The following ARHGAP26 variants were observed in gnomAD, a reference collection of about 807,000 sequenced individuals.
ARHGAP26 encodes the protein Rho GTPase activating protein 26.
Under a neutral mutation model 104.8 loss-of-function variants are expected in ARHGAP26, and 38 were observed. That is an observed-to-expected ratio of 0.36 (90% CI 0.28 to 0.48). The LOEUF (loss-of-function observed/expected upper bound fraction) is 0.48, where lower values mean the gene tolerates loss of function less well. Ranked by LOEUF, ARHGAP26 falls within the 20% of genes least tolerant of loss-of-function variation. ARHGAP26 has a pLI of 0.99. For synonymous variants in ARHGAP26, 341 were observed against 340.0 expected, an observed-to-expected ratio of 1.00 and a Z score of -0.03; for missense variants, 704 against 947.9, an observed-to-expected ratio of 0.74 and a Z score of 3.38.
rs1022173687 is a variant in ARHGAP26 at position 143,060,337 on chromosome 5, T to A, written c.1538+2590T>A. Among the ~76,000 whole-genome samples, 11 of 152,374 alleles carry A rather than the reference T, an allele frequency of 7.2e-5. No homozygotes were observed. In the South Asian group the frequency reaches 2.3e-3, roughly 32 times the overall value. On this transcript the variant is annotated intron_variant, in intron 17 of 22. Coordinates refer to ENST00000645722, the MANE Select transcript of ARHGAP26 (RefSeq NM_001135608.3). ...CAAGCATTTTGTATTGTATATTTTT[T>A]AAAGTACTCTTTTGAAACATTTTCC...
intron 11 of ARHGAP26, among the ~76,000 whole-genome samples, chr5:142,985,932 G>A (rs1221733630): frequency 3.3e-5 from 5 of 151,968 alleles, no homozygotes; most frequent in Non-Finnish European, 5.9e-5. Flanking sequence ...TTGGTTCCAA[G>A]TCTTTGTTAT....
intron 19 of ARHGAP26, among the ~76,000 whole-genome samples, chr5:143,139,915 A>G (rs1798317974): frequency 1.3e-5 from 2 of 152,340 alleles, no homozygotes; most frequent in East Asian, 1.9e-4. Flanking sequence ...GGAGCCAGCA[A>G]CAAGGTCTTG....
intron 1 of ARHGAP26, among the ~76,000 whole-genome samples, chr5:142,793,724 A>T (rs1760359593): frequency 6.6e-6 from 1 of 151,982 alleles, no homozygotes; most frequent in South Asian, 2.1e-4. Flanking sequence ...AGTAGCTGGG[A>T]TTACAGATGT....
At chr5:142,879,327 A>G (rs756445857) in intron 3 of ARHGAP26, 47 bp from the exon 4 acceptor site, 1 of 1,562,118 alleles carries the variant, frequency 6.4e-7, no homozygotes, top group Non-Finnish European at 8.8e-7. Context: ...TTCTTTACTG[A>G]TACTGCTTTT....
At chr5:143,159,562 A>G (rs974231964) in intron 20 of ARHGAP26, among the ~76,000 whole-genome samples, 22 of 152,186 alleles carry the variant, frequency 1.4e-4, no homozygotes, top group African/African-American at 5.1e-4. Context: ...TCAGCACCAC[A>G]TGGGGAGCCT....
chr5:143,074,983 T>C (rs890332464), intron 17 of ARHGAP26, among the ~76,000 whole-genome samples: 2 of 152,140 alleles, frequency 1.3e-5, no homozygotes, highest in Non-Finnish European at 2.9e-5. Flanking sequence ...AGGTGTGAGA[T>C]AGGTGCTGGG....
At chr5:142,793,656 C>T (rs187573252) in intron 1 of ARHGAP26, among the ~76,000 whole-genome samples, 13 of 152,178 alleles carry the variant, frequency 8.5e-5, no homozygotes, top group South Asian at 8.3e-4. Context: ...GGCATGATCT[C>T]GGCTCACTGC....
intron 10 of ARHGAP26, among the ~76,000 whole-genome samples, chr5:142,926,531 A>G (rs1472138371): frequency 6.6e-6 from 1 of 152,166 alleles, no homozygotes; most frequent in Non-Finnish European, 1.5e-5. Flanking sequence ...GAATTTGCCA[A>G]AGACCCCTTC....
chr5:142,839,413 G>C (rs1453118886), intron 1 of ARHGAP26, among the ~76,000 whole-genome samples: 1 of 151,964 alleles, frequency 6.6e-6, no homozygotes, highest in Admixed American at 6.6e-5. Context: ...AATGTACAGA[G>C]CGGTCATATA....
At chr5:143,001,924 C>G (rs1219226426) in intron 11 of ARHGAP26, among the ~76,000 whole-genome samples, 2 of 152,186 alleles carry the variant, frequency 1.3e-5, no homozygotes, top group Non-Finnish European at 2.9e-5. Context: ...AGCTTCGAGT[C>G]ATAGATCTAG....
intron 12 of ARHGAP26, among the ~76,000 whole-genome samples, chr5:143,018,608 C>T (rs959553661): frequency 6.6e-6 from 1 of 152,162 alleles, no homozygotes; most frequent in African/African-American, 2.4e-5. Context: ...ATTCTTCCCT[C>T]GATTGATTTG....
intron 17 of ARHGAP26, among the ~76,000 whole-genome samples, chr5:143,071,643 C>T (rs1298873897): frequency 6.6e-6 from 1 of 152,120 alleles, no homozygotes; most frequent in East Asian, 1.9e-4. Context: ...AGTGGTGGCT[C>T]ATGCCTGTAA....
At chr5:142,948,013 A>G (rs931328844) in intron 11 of ARHGAP26, among the ~76,000 whole-genome samples, 10 of 152,198 alleles carry the variant, frequency 6.6e-5, no homozygotes, top group Admixed American at 5.9e-4. Flanking sequence ...CCTGGGCAAC[A>G]TAATCATACC....
intron 20 of ARHGAP26, among the ~76,000 whole-genome samples, chr5:143,168,381 G>T (rs1360013968): frequency 1.4e-5 from 2 of 142,882 alleles, no homozygotes; most frequent in Non-Finnish European, 1.5e-5. Flanking sequence ...TGACTTGCCT[G>T]AGACGTTCCC....
intron 6 of ARHGAP26, among the ~76,000 whole-genome samples, chr5:142,900,238 A>G (rs1050471549): frequency 6.6e-6 from 1 of 152,192 alleles, no homozygotes; most frequent in Non-Finnish European, 1.5e-5. Context: ...AGTATTTTGT[A>G]TAGAATAAGC....
At chr5:143,086,939 A>G (rs1790674928) in intron 17 of ARHGAP26, among the ~76,000 whole-genome samples, 1 of 152,178 alleles carries the variant, frequency 6.6e-6, no homozygotes, top group African/African-American at 2.4e-5. Context: ...TGTCTCAAAT[A>G]TTTATTGATA....
At position 143,174,875 on chromosome 5, in the gene ARHGAP26, A is replaced by G. The variant is rs3776240; in HGVS notation, c.1988+27494A>G. ...CAAGAAAGTCCTGTATTGAACTTCT[A>G]AGCCTCATACCTGTCAGGGACTGAT... On this transcript the variant is annotated intron_variant, in intron 20 of 22. Coordinates refer to ENST00000645722, the MANE Select transcript of ARHGAP26 (RefSeq NM_001135608.3). Among the ~76,000 whole-genome samples, 329 of 152,308 alleles carry G rather than the reference A, an allele frequency of 2.2e-3. 3 individuals are homozygous for G. In the East Asian group the frequency reaches 0.023, roughly 11 times the overall value.
chr5:142,965,929 C>T (rs1428479792), intron 11 of ARHGAP26, among the ~76,000 whole-genome samples: 1 of 152,158 alleles, frequency 6.6e-6, no homozygotes, highest in Non-Finnish European at 1.5e-5. Context: ...TTTTAAAGGG[C>T]CTGTAAAAAT....
chr5:142,981,710 G>A (rs1024535171), intron 11 of ARHGAP26, among the ~76,000 whole-genome samples: 28 of 152,100 alleles, frequency 1.8e-4, no homozygotes, highest in South Asian at 6.2e-4. Context: ...GATTAATTGC[G>A]TCTTCCTTCC....
Sources: allele counts gnomAD v4.1 joint callset (sites outside exome capture counted in the v4.1 genomes callset), GRCh38; gene constraint gnomAD v4.1.1; transcripts MANE v1.5; gene names NCBI Gene and HGNC (gene_info 2026-07-23, HGNC 2026-07-21).